Variants in CCSER1 observed in about 807,000 individuals in gnomAD.
The protein encoded by CCSER1 is serine-rich coiled-coil domain-containing protein 1.
CCSER1 carries 41 observed loss-of-function variants against 82.0 expected under a neutral mutation model. That is an observed-to-expected ratio of 0.50 (90% confidence interval 0.39 to 0.65). The LOEUF is 0.65. Ranked by LOEUF, CCSER1 falls within the 30% of genes least tolerant of loss-of-function variation. The pLI, the probability that CCSER1 is intolerant of heterozygous loss-of-function variation, is 0.00. For synonymous variants in CCSER1, 414 were observed against 383.9 expected, an observed-to-expected ratio of 1.08 and a Z score of -0.92; for missense variants, 1,119 against 1,064.2, an observed-to-expected ratio of 1.05 and a Z score of -0.72.
At chr4:91,073,304 G>T (rs1199421840) in intron 9 of CCSER1, among the ~76,000 whole-genome samples, 1 of 152,016 alleles carries the variant, frequency 6.6e-6, no homozygotes, top group Non-Finnish European at 1.5e-5. Context: ...AGCCTAGGGG[G>T]TGAATATTTT....
At chr4:90,278,387 C>T (rs537461831) in intron 1 of CCSER1, among the ~76,000 whole-genome samples, 15 of 151,592 alleles carry the variant, frequency 9.9e-5, no homozygotes, top group African/African-American at 2.7e-4. Flanking sequence ...CATATGTTCA[C>T]GCAATGCTAT....
At chr4:90,638,127 T>A in intron 6 of CCSER1, among the ~76,000 whole-genome samples, 1 of 152,158 alleles carries the variant, frequency 6.6e-6, no homozygotes, top group East Asian at 1.9e-4. Context: ...CGATGGGCCA[T>A]ACCTTAAAAC....
At chr4:90,699,883 C>T (rs1165875504) in intron 6 of CCSER1, among the ~76,000 whole-genome samples, 2 of 151,948 alleles carry the variant, frequency 1.3e-5, no homozygotes, top group Admixed American at 6.6e-5. Context: ...CTGCTTATTT[C>T]CTTCCACCAT....
chr4:91,040,909 T>C lies in CCSER1; in HGVS notation c.2173-45041T>C, dbSNP rs558936737. ...AAGCTTTATTTGGAGGGGAATAAAG[T>C]GTTATCAATGAAGTTCAAATGTATA... On this transcript the variant is annotated intron_variant, in intron 9 of 10. Coordinates refer to ENST00000509176, the MANE Select transcript of CCSER1 (RefSeq NM_001145065.2). Among the ~76,000 whole-genome samples, 4 of 152,254 alleles carry C rather than the reference T, an allele frequency of 2.6e-5. No individual in the cohort carries two copies. The South Asian group carries it at 8.3e-4, about 32-fold the overall frequency.
intron 5 of CCSER1, among the ~76,000 whole-genome samples, chr4:90,486,703 G>C (rs1396211374): frequency 6.6e-6 from 1 of 152,100 alleles, no homozygotes; most frequent in Non-Finnish European, 1.5e-5. Context: ...TTTTCCTCTT[G>C]ATACATAGAT....
At chr4:90,687,502 A>G (rs1356765168) in intron 6 of CCSER1, among the ~76,000 whole-genome samples, 1 of 152,078 alleles carries the variant, frequency 6.6e-6, no homozygotes, top group African/African-American at 2.4e-5. Context: ...TCTTTTGGAA[A>G]CCTGCAGTTG....
chr4:91,380,657 ATCTCCTGAATACAGCACACTGATGGG>A (rs1435350130), intron 10 of CCSER1, among the ~76,000 whole-genome samples: 2 of 152,010 alleles, frequency 1.3e-5, no homozygotes, highest in African/African-American at 4.8e-5. Flanking sequence ...TGTGAGATGG[ATCTCCTGAATACAGCACACTGATGGG>A]TCTTGACTCT....
At chr4:91,421,461 T>A (rs752537948) in intron 10 of CCSER1, among the ~76,000 whole-genome samples, 25 of 152,166 alleles carry the variant, frequency 1.6e-4, no homozygotes, top group Non-Finnish European at 2.8e-4. Flanking sequence ...CAGAAGAAGA[T>A]GGATGTCCCA....
At chr4:91,474,163 T>TAAAC (rs1757432523) in intron 10 of CCSER1, among the ~76,000 whole-genome samples, 2 of 151,996 alleles carry the variant, frequency 1.3e-5, no homozygotes, top group African/African-American at 2.4e-5. Context: ...GATCAGAAGT[T>TAAAC]AAACACTGGG....
At chr4:91,264,795 TCTCTGTC>T (rs561042500) in intron 10 of CCSER1, among the ~76,000 whole-genome samples, 2 of 152,102 alleles carry the variant, frequency 1.3e-5, no homozygotes, top group South Asian at 4.1e-4. Flanking sequence ...ACTAGTTTTA[TCTCTGTC>T]CTCATGATTG....
At chr4:90,252,323 A>C (rs1021514268) in intron 1 of CCSER1, among the ~76,000 whole-genome samples, 1 of 151,930 alleles carries the variant, frequency 6.6e-6, no homozygotes, top group Non-Finnish European at 1.5e-5. Context: ...GGATAGTTAT[A>C]GCTCTAAGCA....
At chr4:90,794,657 T>C (rs1486592759) in intron 7 of CCSER1, among the ~76,000 whole-genome samples, 3 of 152,148 alleles carry the variant, frequency 2.0e-5, no homozygotes, top group Non-Finnish European at 4.4e-5. Flanking sequence ...TTCTTTTTTT[T>C]CCTTGTTCCA....
At chr4:91,560,603 T>C (rs1034373266) in intron 10 of CCSER1, among the ~76,000 whole-genome samples, 1 of 151,506 alleles carries the variant, frequency 6.6e-6, no homozygotes, top group Non-Finnish European at 1.5e-5. Flanking sequence ...TCTTGCTGTA[T>C]GCTCAATCGT....
At chr4:91,466,146 T>G (rs1195960192) in intron 10 of CCSER1, among the ~76,000 whole-genome samples, 2 of 152,174 alleles carry the variant, frequency 1.3e-5, no homozygotes, top group African/African-American at 4.8e-5. Flanking sequence ...GTCAAAAAGC[T>G]TATCCATTAT....
intron 10 of CCSER1, among the ~76,000 whole-genome samples, chr4:91,221,746 A>C (rs936910612): frequency 1.3e-5 from 2 of 152,062 alleles, no homozygotes; most frequent in Non-Finnish European, 1.5e-5. Flanking sequence ...GGGTATAGAG[A>C]TGAGCAAGTT....
chr4:91,033,661 A>G (rs1378836968), intron 9 of CCSER1, among the ~76,000 whole-genome samples: 1 of 152,156 alleles, frequency 6.6e-6, no homozygotes, highest in African/African-American at 2.4e-5. Context: ...CAGGATAGCA[A>G]CAGGCTAAGC....
chr4:90,191,355 G>A (rs1735585301), intron 1 of CCSER1, among the ~76,000 whole-genome samples: 1 of 152,036 alleles, frequency 6.6e-6, no homozygotes, highest in Non-Finnish European at 1.5e-5. Flanking sequence ...CGGAGAATGA[G>A]ATAGATGGTC....
intron 10 of CCSER1, among the ~76,000 whole-genome samples, chr4:91,595,830 G>T (rs1764540733): frequency 6.8e-6 from 1 of 147,754 alleles, no homozygotes; most frequent in Admixed American, 7.0e-5. Flanking sequence ...TTTATCACAA[G>T]AATAAATGAA....
chr4:90,469,989 CA>C (rs1416183680), intron 5 of CCSER1, among the ~76,000 whole-genome samples: 2 of 152,146 alleles, frequency 1.3e-5, no homozygotes, highest in Non-Finnish European at 1.5e-5. Context: ...AGTTAACACT[CA>C]AAAAGTTTCA....
Sources: allele counts gnomAD v4.1 joint callset (sites outside exome capture counted in the v4.1 genomes callset), GRCh38; gene constraint gnomAD v4.1.1; transcripts MANE v1.5; gene names NCBI Gene and HGNC (gene_info 2026-07-23, HGNC 2026-07-21).